PRTFDC1: variants seen among roughly 807,000 people sequenced by gnomAD.
PRTFDC1 encodes phosphoribosyltransferase domain-containing protein 1.
PRTFDC1 carries 38 observed loss-of-function variants against 34.6 expected under a neutral mutation model. That is an observed-to-expected ratio of 1.10 (90% CI 0.85 to 1.44). The LOEUF (loss-of-function observed/expected upper bound fraction) is 1.44, where lower values mean the gene tolerates loss of function less well. Among genes scored for constraint, PRTFDC1 ranks in the 40% most tolerant of loss-of-function variants. The pLI, the probability that PRTFDC1 is intolerant of heterozygous loss-of-function variation, is 0.00. For missense variants in PRTFDC1, 270 were observed against 283.0 expected (o/e 0.95, Z 0.33); for synonymous variants, 93 against 98.1 (o/e 0.95, Z 0.31).
At chr10:24,859,341 C>A (rs1166213164) in intron 4 of PRTFDC1, among the ~76,000 whole-genome samples, 3 of 152,204 alleles carry the variant, frequency 2.0e-5, no homozygotes, top group Non-Finnish European at 4.4e-5. Flanking sequence ...TTCACTGTAA[C>A]CTCCGCTTCC....
chr10:24,938,945 A>C (rs1190456771), intron 2 of PRTFDC1, among the ~76,000 whole-genome samples: 3 of 152,184 alleles, frequency 2.0e-5, no homozygotes, highest in African/African-American at 7.2e-5. Context: ...TTTGAGCACA[A>C]CTTCTAACCA....
At chr10:24,895,711 A>ATATATATC in intron 3 of PRTFDC1, among the ~76,000 whole-genome samples, 1 of 137,906 alleles carries the variant, frequency 7.3e-6, no homozygotes, top group Non-Finnish European at 1.6e-5. Flanking sequence ...ATATATATAT[A>ATATATATC]TATATATATA....
chr10:24,853,363 G>A (rs1358114613), intron 7 of PRTFDC1, among the ~76,000 whole-genome samples: 1 of 151,752 alleles, frequency 6.6e-6, no homozygotes, highest in African/African-American at 2.4e-5. Flanking sequence ...TGTAATCCCA[G>A]CACTTTGAGA....
chr10:24,868,492 T>C (rs1194975400), intron 4 of PRTFDC1, among the ~76,000 whole-genome samples: 4 of 152,190 alleles, frequency 2.6e-5, no homozygotes, highest in Non-Finnish European at 4.4e-5. Flanking sequence ...ACAAATTGTA[T>C]TATCACTACA....
At chr10:24,861,312 C>A (rs1847676335) in intron 4 of PRTFDC1, among the ~76,000 whole-genome samples, 1 of 151,970 alleles carries the variant, frequency 6.6e-6, no homozygotes, top group South Asian at 2.1e-4. Flanking sequence ...AGCAGCCTGG[C>A]CAGTATATTG....
chr10:24,902,539 C>A (rs946472063), intron 3 of PRTFDC1, among the ~76,000 whole-genome samples: 1 of 152,204 alleles, frequency 6.6e-6, no homozygotes, highest in Non-Finnish European at 1.5e-5. Flanking sequence ...AGAACCAAGA[C>A]TAGAATCTCC....
intron 3 of PRTFDC1, among the ~76,000 whole-genome samples, chr10:24,923,596 T>C (rs1848824623): frequency 6.6e-6 from 1 of 152,074 alleles, no homozygotes; most frequent in Non-Finnish European, 1.5e-5. Flanking sequence ...CAGAAAGGAA[T>C]AGCAACAACA....
chr10:24,934,257 A>AAGAAGAAGAAGG (rs1849016414), intron 3 of PRTFDC1, among the ~76,000 whole-genome samples: 2 of 149,076 alleles, frequency 1.3e-5, no homozygotes, highest in African/African-American at 2.6e-5. Flanking sequence ...GGAGAAGAAG[A>AAGAAGAAGAAGG]AGAAGAAGAA....
At chr10:24,951,113 A>G (rs763308461) in intron 1 of PRTFDC1, among the ~76,000 whole-genome samples, 9 of 152,050 alleles carry the variant, frequency 5.9e-5, no homozygotes, top group Non-Finnish European at 7.4e-5. Flanking sequence ...TGCATTTGGT[A>G]TGCGGGTCTC....
intron 4 of PRTFDC1, among the ~76,000 whole-genome samples, chr10:24,870,146 G>A (rs1204899341): frequency 6.6e-6 from 1 of 152,170 alleles, no homozygotes; most frequent in African/African-American, 2.4e-5. Context: ...GTCTTGTTCT[G>A]TCGCCCAGGC....
At chr10:24,948,747 C>T (rs1007208689) in intron 1 of PRTFDC1, among the ~76,000 whole-genome samples, 1 of 152,182 alleles carries the variant, frequency 6.6e-6, no homozygotes, top group Non-Finnish European at 1.5e-5. Context: ...CCTACCTCAA[C>T]GATCTTTCCA....
intron 1 of PRTFDC1, among the ~76,000 whole-genome samples, chr10:24,951,818 A>C (rs920575880): frequency 2.0e-5 from 3 of 152,254 alleles, no homozygotes; most frequent in Non-Finnish European, 4.4e-5. Context: ...TCTCAGGGTT[A>C]ATGAGGCTCA....
Position 24,863,329 on chromosome 10 carries a change from T to C in PRTFDC1, c.406-4920A>G, listed in dbSNP as rs188763753. ...AATGGAGCAGCAAAGCCTGTTTATA[T>C]AGGCACATCTGCTTACAACATGCTT... On this transcript the variant is annotated intron_variant, in intron 4 of 8. Coordinates refer to ENST00000320152, the MANE Select transcript of PRTFDC1 (RefSeq NM_020200.7). 3.3e-5 allele frequency among the ~76,000 whole-genome samples: 5 copies of C among 152,360 alleles called. No homozygotes were observed. The East Asian group carries it at 9.6e-4, about 29-fold the overall frequency.
intron 3 of PRTFDC1, among the ~76,000 whole-genome samples, chr10:24,873,405 G>C (rs1406938817): frequency 6.6e-6 from 1 of 152,208 alleles, no homozygotes; most frequent in Non-Finnish European, 1.5e-5. Context: ...GACCAAGCAA[G>C]AATGCTGTGA....
chr10:24,874,432 C>T (rs1200380817), intron 3 of PRTFDC1, among the ~76,000 whole-genome samples: 1 of 152,136 alleles, frequency 6.6e-6, no homozygotes, highest in African/African-American at 2.4e-5. Flanking sequence ...GCACATTAGA[C>T]TTAAATATGT....
chr10:24,922,221 TA>T (rs1848802326), intron 3 of PRTFDC1, among the ~76,000 whole-genome samples: 1 of 152,210 alleles, frequency 6.6e-6, no homozygotes, highest in African/African-American at 2.4e-5. Context: ...TAACCTAACA[TA>T]AAATAAGGAT....
intron 3 of PRTFDC1, among the ~76,000 whole-genome samples, chr10:24,898,240 C>T (rs1175846583): frequency 2.2e-5 from 3 of 138,566 alleles, no homozygotes; most frequent in Non-Finnish European, 4.5e-5. Flanking sequence ...CTCTTAAAAC[C>T]AGAGTTTGAG....
chr10:24,908,745 C>A, intron 3 of PRTFDC1: 2 of 1,504,978 alleles, frequency 1.3e-6, no homozygotes, highest in Non-Finnish European at 8.9e-7. Flanking sequence ...CTAGCCAGCC[C>A]GATCAGCCTG....
chr10:24,866,033 T>G (rs1847768541), intron 4 of PRTFDC1, among the ~76,000 whole-genome samples: 1 of 152,058 alleles, frequency 6.6e-6, no homozygotes, highest in South Asian at 2.1e-4. Context: ...AGGGGGAACT[T>G]TTGGCAGTTT....
Sources: gnomAD v4.1 joint callset for allele counts (sites outside exome capture counted in the v4.1 genomes callset) on GRCh38, gnomAD v4.1.1 for gene constraint, MANE v1.5 for transcripts, NCBI Gene and HGNC (gene_info 2026-07-23, HGNC 2026-07-21) for gene names.